XKR4: variants seen among roughly 807,000 people sequenced by gnomAD.
The protein encoded by XKR4 is XK related 4.
In XKR4, 12 loss-of-function variants were observed where a neutral mutation model predicts 53.9. That is an observed-to-expected ratio of 0.22 (90% CI 0.14 to 0.36). The LOEUF (loss-of-function observed/expected upper bound fraction) is 0.36. Among genes scored for constraint, XKR4 ranks in the 10% least tolerant of loss-of-function variants. The pLI, the probability that XKR4 is intolerant of heterozygous loss-of-function variation, is 1.00. For missense variants in XKR4, 799 were observed against 859.5 expected (o/e 0.93, Z 0.88); for synonymous variants, 354 against 362.4 (o/e 0.98, Z 0.26).
intron 1 of XKR4, among the ~76,000 whole-genome samples, chr8:55,219,219 C>T (rs1009886775): frequency 4.6e-5 from 7 of 152,146 alleles, no homozygotes; most frequent in Admixed American, 1.3e-4. Flanking sequence ...TGTTGTTTGC[C>T]GGGCCCTTAA....
chr8:55,458,240 C>T (rs1304754657), intron 2 of XKR4, among the ~76,000 whole-genome samples: 1 of 152,216 alleles, frequency 6.6e-6, no homozygotes, highest in Non-Finnish European at 1.5e-5. Flanking sequence ...GTTCCCTTGA[C>T]CCCTTCATGA....
rs1563316427 is a variant in XKR4 at position 55,289,637 on chromosome 8, GAAAGA to G, written c.807-68038_807-68034del. Among the ~76,000 whole-genome samples the G allele has an allele frequency of 1.8e-3, 212 of 116,538 alleles. 6 individuals carry two copies. The highest frequency in any genetic ancestry group is 7.2e-3 in the East Asian group (30 of 4,160). The allele number at this position is 116,538 out of a possible 152,430, so 76.5% of individuals were successfully genotyped here. On this transcript the variant is annotated intron_variant, in intron 1 of 2. Transcript: ENST00000327381. ...AGAAAGAAAGAAAGAAAGAAAGAAA[GAAAGA>G]AAGAAAGGAAGGAAGGAAAAGAAAA... is the stretch of plus-strand genomic sequence containing the variant.
intron 2 of XKR4, among the ~76,000 whole-genome samples, chr8:55,459,812 AT>A (rs1426401823): frequency 2.6e-5 from 4 of 152,180 alleles, no homozygotes; most frequent in Non-Finnish European, 5.9e-5. Context: ...ACTCTTAGCC[AT>A]TGCTAGTGAT....
intron 2 of XKR4, among the ~76,000 whole-genome samples, chr8:55,412,535 T>C (rs1399969399): frequency 6.6e-6 from 1 of 152,238 alleles, no homozygotes; most frequent in Non-Finnish European, 1.5e-5. Flanking sequence ...TGCGGTTTGC[T>C]TGATGCACAC....
At position 55,493,661 on chromosome 8, in the gene XKR4, A is replaced by G. The variant is rs114104878; in HGVS notation, c.1007-29620A>G. Among the ~76,000 whole-genome samples the G allele has an allele frequency of 9.6e-3, 1,470 of 152,332 alleles. 24 individuals are homozygous for G. The highest frequency in any genetic ancestry group is 0.033 in the African/African-American group (1,360 of 41,566). On this transcript the variant is annotated intron_variant, in intron 2 of 2. Coordinates refer to ENST00000327381, the MANE Select transcript of XKR4 (RefSeq NM_052898.2). Reference sequence around the variant, plus strand: ...AAGCCTGACACATAGGAAACTCTCAAAAAATAACTGTGGTTTCTGTTATTT... The same window carrying G: ...AAGCCTGACACATAGGAAACTCTCAGAAAATAACTGTGGTTTCTGTTATTT...
At chr8:55,285,635 T>C (rs111872298) in intron 1 of XKR4, among the ~76,000 whole-genome samples, 201 of 152,140 alleles carry the variant, frequency 1.3e-3, no homozygotes, top group African/African-American at 4.7e-3. Flanking sequence ...CTCGAAGAGT[T>C]TTCGCGCCCC....
intron 1 of XKR4, among the ~76,000 whole-genome samples, chr8:55,301,711 C>A (rs1819201702): frequency 6.6e-6 from 1 of 152,138 alleles, no homozygotes; most frequent in African/African-American, 2.4e-5. Context: ...GATGGTATCT[C>A]ATTGTGGTTT....
chr8:55,233,296 A>G (rs1818070403), intron 1 of XKR4, among the ~76,000 whole-genome samples: 1 of 152,084 alleles, frequency 6.6e-6, no homozygotes, highest in South Asian at 2.1e-4. Flanking sequence ...AAATTTATCT[A>G]TACTCCTCAT....
At chr8:55,445,548 C>T (rs1482354747) in intron 2 of XKR4, among the ~76,000 whole-genome samples, 52 of 152,102 alleles carry the variant, frequency 3.4e-4, no homozygotes, top group Admixed American at 3.4e-3. Flanking sequence ...AGAAAAGGCC[C>T]TAGAAATCAG....
chr8:55,538,043 C>A lies in XKR4; in HGVS notation c.*13816C>A, dbSNP rs1807054537. On this transcript the variant is annotated 3_prime_UTR_variant, in exon 3 of 3. Coordinates refer to ENST00000327381, the MANE Select transcript of XKR4 (RefSeq NM_052898.2). The stretch of plus-strand genomic sequence containing the variant: ...ATGGTGTCGTAGAAAACCAAAAATC[C>A]ATGTTGAATATAGTGACTGTCTTAA... 1 of 152,136 alleles carries A rather than the reference C, an allele frequency of 6.6e-6. No individual in the cohort carries two copies. Among genetic ancestry groups the A allele is most frequent in the Admixed American group, 6.5e-5 (1 of 15,276 alleles). 9.4% of individuals were successfully genotyped at this position (152,136 alleles called of 1,614,324 possible).
chr8:55,492,708 T>G (rs571210059), intron 2 of XKR4, among the ~76,000 whole-genome samples: 2 of 152,240 alleles, frequency 1.3e-5, no homozygotes, highest in Non-Finnish European at 2.9e-5. Flanking sequence ...TTTGATCAGA[T>G]TCTTCATTTG....
At chr8:55,149,989 A>G (rs910626160) in intron 1 of XKR4, among the ~76,000 whole-genome samples, 1 of 152,222 alleles carries the variant, frequency 6.6e-6, no homozygotes, top group Non-Finnish European at 1.5e-5. Context: ...CCTGCTCTTC[A>G]AGCTCAAAGA....
At chr8:55,239,729 C>G (rs937826644) in intron 1 of XKR4, among the ~76,000 whole-genome samples, 2 of 152,182 alleles carry the variant, frequency 1.3e-5, no homozygotes, top group Non-Finnish European at 2.9e-5. Flanking sequence ...CATGACCCTT[C>G]TTGGTATATT....
At chr8:55,342,571 G>A (rs969018741) in intron 1 of XKR4, among the ~76,000 whole-genome samples, 1 of 151,858 alleles carries the variant, frequency 6.6e-6, no homozygotes, top group Non-Finnish European at 1.5e-5. Context: ...GCCCCCCACC[G>A]ATCTGCTCCA....
intron 1 of XKR4, among the ~76,000 whole-genome samples, chr8:55,197,134 TATG>T (rs1214667157): frequency 1.3e-5 from 2 of 152,222 alleles, no homozygotes; most frequent in African/African-American, 4.8e-5. Context: ...TTTGAGGGGC[TATG>T]ATAATGCCAC....
At chr8:55,512,465 C>T (rs1806641915) in intron 2 of XKR4, among the ~76,000 whole-genome samples, 1 of 152,194 alleles carries the variant, frequency 6.6e-6, no homozygotes, top group Non-Finnish European at 1.5e-5. Context: ...TTGGCCTGTG[C>T]CCATCTCTTC....
intron 1 of XKR4, among the ~76,000 whole-genome samples, chr8:55,234,761 C>A (rs1411571340): frequency 6.6e-6 from 1 of 152,118 alleles, no homozygotes; most frequent in East Asian, 1.9e-4. Flanking sequence ...ATCAAGAATA[C>A]AATAATCAAA....
intron 2 of XKR4, among the ~76,000 whole-genome samples, chr8:55,471,543 G>A (rs1805882786): frequency 6.6e-6 from 1 of 152,120 alleles, no homozygotes; most frequent in Non-Finnish European, 1.5e-5. Flanking sequence ...GGATTTAGAG[G>A]AAGGAACAGA....
intron 1 of XKR4, among the ~76,000 whole-genome samples, chr8:55,327,044 A>G (rs1459011398): frequency 6.6e-6 from 1 of 152,060 alleles, no homozygotes; most frequent in Non-Finnish European, 1.5e-5. Context: ...AAGAGCAGAA[A>G]CACAATCACT....
Sources: gnomAD v4.1 joint callset for allele counts (sites outside exome capture counted in the v4.1 genomes callset) on GRCh38, gnomAD v4.1.1 for gene constraint, MANE v1.5 for transcripts, NCBI Gene and HGNC (gene_info 2026-07-23, HGNC 2026-07-21) for gene names.